The following STK32B variants were observed in gnomAD, a reference collection of about 807,000 sequenced individuals.
The protein encoded by STK32B is serine/threonine-protein kinase 32B.
Under a neutral mutation model 52.6 loss-of-function variants are expected in STK32B, and 43 were observed. The observed-to-expected ratio is 0.82, with a 90% CI of 0.64 to 1.05. STK32B has a LOEUF of 1.05. STK32B is among the 50% of genes least tolerant of loss of function. The pLI is 0.00. For missense variants in STK32B, 621 were observed against 534.6 expected, an observed-to-expected ratio of 1.16 and a Z score of -1.59; for synonymous variants, 238 against 204.3, an observed-to-expected ratio of 1.17 and a Z score of -1.41.
At position 5,082,118 on chromosome 4, in the gene STK32B, C is replaced by CT. The variant is rs1025193193; in HGVS notation, c.52+30213dup. 2.1e-3 allele frequency among the ~76,000 whole-genome samples: 310 copies of CT among 150,036 alleles called. 1 individual carries two copies. Among genetic ancestry groups the CT allele is most frequent in the Non-Finnish European group, 1.6e-3 (109 of 67,366 alleles). On this transcript the variant is annotated intron_variant, in intron 1 of 11. Transcript: ENST00000282908. ...TTATACAGGTCTGCCTGCTCTACAT[C>CT]TTTTTTTTTTCTCCCTTGGAGGGAT...
chr4:5,051,666 G>A lies in STK32B; in HGVS notation c.-198G>A, dbSNP rs898266923. 5 of 605,830 alleles carry A rather than the reference G, an allele frequency of 8.3e-6. No individual in the cohort carries two copies. Among genetic ancestry groups the A allele is most frequent in the South Asian group, 2.3e-5 (1 of 43,444 alleles). The allele number at this position is 605,830 out of a possible 1,614,324, so 37.5% of individuals were successfully genotyped here. A position where few individuals can be genotyped will look rare whatever the true frequency, so the allele number is the denominator to read the frequency against. On this transcript the variant is annotated 5_prime_UTR_variant, in exon 1 of 12. Coordinates refer to ENST00000282908, the MANE Select transcript of STK32B (RefSeq NM_018401.3). The stretch of plus-strand genomic sequence containing the variant: ...GGCGCGGCGAGAGCGGGGTCCCTGC[G>A]AGCGCAGTCGGAAGGGCGTCCAGGA...
intron 3 of STK32B, among the ~76,000 whole-genome samples, chr4:5,170,301 A>G (rs985201498): frequency 8.1e-5 from 12 of 147,612 alleles, no homozygotes; most frequent in Middle Eastern, 3.2e-3. Flanking sequence ...ACCTTTTTTT[A>G]TTTTTATTTT....
At chr4:5,231,195 T>G (rs1285930052) in intron 3 of STK32B, among the ~76,000 whole-genome samples, 1 of 152,206 alleles carries the variant, frequency 6.6e-6, no homozygotes, top group Non-Finnish European at 1.5e-5. Flanking sequence ...GACATCTGCC[T>G]CCTGGAGCTC....
chr4:5,241,547 ATTATTTTATT>A lies in STK32B; in HGVS notation c.260+73114_260+73123del, dbSNP rs963583407. Among the ~76,000 whole-genome samples the A allele has an allele frequency of 2.5e-4, 38 of 151,944 alleles. 1 individual carries two copies. The highest frequency in any genetic ancestry group is 8.5e-4 in the Admixed American group (13 of 15,252). ...GTCGTAGGTAGGTCTGTGGTTATAAATTATTTTATTTTATTTTATTTTATTTATTTTTTTA... is the reference window on the plus strand; with the variant it reads ...GTCGTAGGTAGGTCTGTGGTTATAAATTATTTTATTTTATTTATTTTTTTA... On this transcript the variant is annotated intron_variant, in intron 3 of 11. Coordinates refer to ENST00000282908, the MANE Select transcript of STK32B (RefSeq NM_018401.3).
At chr4:5,098,562 C>G (rs1034003077) in intron 1 of STK32B, among the ~76,000 whole-genome samples, 2 of 152,190 alleles carry the variant, frequency 1.3e-5, no homozygotes, top group African/African-American at 4.8e-5. Context: ...CACAAGAGTT[C>G]TTGTAAGGAG....
rs1255626087 is a variant in STK32B, at chr4:5,058,056, C to T, written c.52+6141C>T. Reference sequence around the variant, plus strand: ...TCAACGTTGTTAGCAATCCTGGAGTCTTCTTCTTCTCAGTCCTTGATTTTT... The same window carrying T: ...TCAACGTTGTTAGCAATCCTGGAGTTTTCTTCTTCTCAGTCCTTGATTTTT... On this transcript the variant is annotated intron_variant, in intron 1 of 11. Transcript: ENST00000282908. This position sits in a 1 kb window ranked among gnomAD's most constrained non-coding sequence, Gnocchi z 4.8. Among the ~76,000 whole-genome samples, 4 of 152,300 alleles carry T rather than the reference C, an allele frequency of 2.6e-5. No homozygotes were observed. Among genetic ancestry groups the T allele is most frequent in the African/African-American group, 9.6e-5 (4 of 41,568 alleles).
chr4:5,472,241 C>T (rs935771833), intron 11 of STK32B, among the ~76,000 whole-genome samples: 2 of 152,188 alleles, frequency 1.3e-5, no homozygotes, highest in Non-Finnish European at 2.9e-5. Context: ...TAGCCTGCAG[C>T]GGGGAGGATT....
chr4:5,201,316 C>T (rs1295343706), intron 3 of STK32B, among the ~76,000 whole-genome samples: 2 of 152,138 alleles, frequency 1.3e-5, no homozygotes, highest in African/African-American at 4.8e-5. Flanking sequence ...ATCCTGCAGC[C>T]CCATTTGCCC....
rs1300877856 is a variant in STK32B, at chr4:5,386,541, T to G, written c.435-11666T>G. ...GTAACTGAACATCTCTCAGCCTCATTGTCTTCATCTGTAAGGAGAGGGAGA... is the reference window on the plus strand; with the variant it reads ...GTAACTGAACATCTCTCAGCCTCATGGTCTTCATCTGTAAGGAGAGGGAGA... On this transcript the variant is annotated intron_variant, in intron 4 of 11. Transcript: ENST00000282908. The surrounding 1 kb of genome is among the most constrained non-coding windows in gnomAD (Gnocchi z 4.5). Among the ~76,000 whole-genome samples the G allele has an allele frequency of 5.3e-5, 8 of 152,342 alleles. No homozygotes were observed. Among genetic ancestry groups the G allele is most frequent in the African/African-American group, 1.4e-4 (6 of 41,578 alleles).
chr4:5,069,924 G>C (rs960120950), intron 1 of STK32B, among the ~76,000 whole-genome samples: 11 of 152,110 alleles, frequency 7.2e-5, no homozygotes, highest in African/African-American at 1.9e-4. Context: ...ACTCTGACAT[G>C]GTCCTTGTGA....
chr4:5,072,554 A>G (rs1173540552), intron 1 of STK32B, among the ~76,000 whole-genome samples: 1 of 152,166 alleles, frequency 6.6e-6, no homozygotes, highest in Non-Finnish European at 1.5e-5. Flanking sequence ...AATCTAGAAC[A>G]GGAATCCAAA....
chr4:5,438,764 C>T (rs1393229170), intron 6 of STK32B, among the ~76,000 whole-genome samples: 2 of 152,198 alleles, frequency 1.3e-5, no homozygotes, highest in Admixed American at 1.3e-4. Flanking sequence ...CCCCACACCC[C>T]ACAACAGTTC....
chr4:5,330,553 A>G (rs1248275212), intron 3 of STK32B, among the ~76,000 whole-genome samples: 1 of 152,138 alleles, frequency 6.6e-6, no homozygotes, highest in Non-Finnish European at 1.5e-5. Context: ...TCCATGTGAT[A>G]TCTGGGGTTG....
At chr4:5,492,243 CTT>C (rs1417799435) in intron 11 of STK32B, among the ~76,000 whole-genome samples, 4 of 152,294 alleles carry the variant, frequency 2.6e-5, no homozygotes, top group East Asian at 1.9e-4. Context: ...TTTGTATCCT[CTT>C]TTATTTCATT....
At chr4:5,457,284 C>T (rs1456660856) in intron 8 of STK32B, among the ~76,000 whole-genome samples, 3 of 146,602 alleles carry the variant, frequency 2.0e-5, no homozygotes, top group Non-Finnish European at 3.0e-5. Context: ...GGCGCAGTCT[C>T]GACTCACTGC....
chr4:5,351,072 TAAC>T lies in STK32B; in HGVS notation c.434+19698_434+19700del, dbSNP rs200530895. On this transcript the variant is annotated intron_variant, in intron 4 of 11. Transcript: ENST00000282908. ...TAGACATATCACTTAGACTGAAAATTAACAACAACAACAACAACAACCACGAAA... is the reference window on the plus strand; with the variant it reads ...TAGACATATCACTTAGACTGAAAATTAACAACAACAACAACAACCACGAAA... Among the ~76,000 whole-genome samples the T allele has an allele frequency of 7.8e-4, 118 of 151,780 alleles. 1 individual carries two copies. The highest frequency in any genetic ancestry group is 3.4e-3 in the Middle Eastern group (1 of 294).
At chr4:5,316,279 T>C (rs1298989962) in intron 3 of STK32B, among the ~76,000 whole-genome samples, 7 of 74,826 alleles carry the variant, frequency 9.4e-5, no homozygotes, top group Admixed American at 2.2e-4. Context: ...ATATATAATA[T>C]ATTATATACA....
chr4:5,325,858 A>G (rs79737554), intron 3 of STK32B, among the ~76,000 whole-genome samples: 4 of 152,192 alleles, frequency 2.6e-5, no homozygotes, highest in Non-Finnish European at 5.9e-5. Context: ...CAAGAAGCAA[A>G]AGGGACAATG....
At chr4:5,080,698 G>A (rs1712364448) in intron 1 of STK32B, among the ~76,000 whole-genome samples, 1 of 152,060 alleles carries the variant, frequency 6.6e-6, no homozygotes. Flanking sequence ...TGTACAATGT[G>A]ATATTTCAAT....
Sources: allele counts gnomAD v4.1 joint callset (sites outside exome capture counted in the v4.1 genomes callset), GRCh38; gene constraint gnomAD v4.1.1; non-coding constraint Gnocchi (gnomAD v3.1); transcripts MANE v1.5; gene names NCBI Gene and HGNC (gene_info 2026-07-23, HGNC 2026-07-21).